Variants in KDM4A observed in about 807,000 individuals in gnomAD.
KDM4A encodes lysine demethylase 4A, also known as lysine-specific demethylase 4A.
Under a neutral mutation model 127.1 loss-of-function variants are expected in KDM4A, and 23 were observed. That is an observed-to-expected ratio of 0.18 (90% CI 0.13 to 0.26). The LOEUF (loss-of-function observed/expected upper bound fraction) is 0.26, where lower values mean the gene tolerates loss of function less well. Among genes scored for constraint, KDM4A ranks in the 10% least tolerant of loss-of-function variants. KDM4A has a pLI of 1.00. For synonymous variants in KDM4A, 443 were observed against 466.5 expected, an observed-to-expected ratio of 0.95 and a Z score of 0.65; for missense variants, 890 against 1,329.1, an observed-to-expected ratio of 0.67 and a Z score of 5.14.
intron 3 of KDM4A, among the ~76,000 whole-genome samples, chr1:43,659,214 G>T (rs1341694517): frequency 6.6e-6 from 1 of 152,142 alleles, no homozygotes; most frequent in Non-Finnish European, 1.5e-5. Context: ...GATTGCTTGA[G>T]CCCAGGAGTT....
chr1:43,658,809 C>G (rs1030371817), intron 3 of KDM4A, among the ~76,000 whole-genome samples: 4 of 151,888 alleles, frequency 2.6e-5, no homozygotes, highest in African/African-American at 9.7e-5. Context: ...GCCAGCTCTG[C>G]TAATTTTTAA....
chr1:43,702,279 T>A (rs1035121670), intron 19 of KDM4A: 2 of 152,234 alleles, frequency 1.3e-5, no homozygotes, highest in Non-Finnish European at 2.9e-5. Flanking sequence ...AAACAATTTA[T>A]CAAATATCAA....
At chr1:43,677,260 G>C (rs995127460) in intron 11 of KDM4A, among the ~76,000 whole-genome samples, 2 of 150,824 alleles carry the variant, frequency 1.3e-5, no homozygotes, top group African/African-American at 4.9e-5. Flanking sequence ...CAGGAGAATT[G>C]CTCGAATCTG....
intron 16 of KDM4A, 139 bp downstream of exon 16, chr1:43,692,450 C>T: frequency 1.4e-6 from 1 of 724,448 alleles, no homozygotes; most frequent in Non-Finnish European, 2.3e-6. Flanking sequence ...AATAGCATCT[C>T]CAAGACTCAT....
At chr1:43,669,431 G>A (rs2154047261) in intron 10 of KDM4A, 132 bp downstream of exon 10, 1 of 885,824 alleles carries the variant, frequency 1.1e-6, no homozygotes, top group Non-Finnish European at 1.8e-6. Context: ...CATACTTGGA[G>A]TGTGAGAAGT....
Position 43,666,614 on chromosome 1 carries a change from C to T in KDM4A, c.777+59C>T, listed in dbSNP as rs547689862. 7.4e-6 allele frequency: 10 copies of T among 1,343,790 alleles called. No individual in the cohort carries two copies. The African/African-American group carries it at 8.6e-5, about 12-fold the overall frequency. 83.2% of individuals were successfully genotyped at this position (1,343,790 alleles called of 1,614,324 possible). On this transcript the variant is annotated intron_variant, in intron 7 of 21. Coordinates refer to ENST00000372396, the MANE Select transcript of KDM4A (RefSeq NM_014663.3). The stretch of plus-strand genomic sequence containing the variant: ...ACCACCCTTTCTGGCCTTTGTTTTA[C>T]AGTTTTATTCTAGTTCATCACTATA...
At chr1:43,686,151 G>GTTTTTTTTTTTTTTT (rs35512755) in intron 12 of KDM4A, among the ~76,000 whole-genome samples, 2 of 97,906 alleles carry the variant, frequency 2.0e-5, no homozygotes, top group Non-Finnish European at 3.8e-5. Context: ...TTTGTTTCTT[G>GTTTTTTTTTTTTTTT]TTTTTTTTTT....
intron 4 of KDM4A, among the ~76,000 whole-genome samples, chr1:43,661,950 A>G (rs1660392556): frequency 6.6e-6 from 1 of 152,180 alleles, no homozygotes; most frequent in Admixed American, 6.5e-5. Flanking sequence ...GCTAGAGGTT[A>G]GTGGTATGAT....
chr1:43,704,314 T>C lies in KDM4A; in HGVS notation c.3139T>C (p.Ser1047Pro), dbSNP rs1257947430. 6.2e-7 allele frequency: 1 copy of C among 1,614,028 alleles called. No homozygotes were observed. Among genetic ancestry groups the C allele is most frequent in the Admixed American group, 1.7e-5 (1 of 60,020 alleles). ...AAAGAAACGGCAACGAGTTATCAAC[T>C]CAAGATACCGGGAAGATTATATTGA... The part of the protein sequence containing the change: ...QEKKRQRVIN[S>P]RYREDYIEPA... Residue 1047 changes from serine to proline, a missense_variant, in exon 22 of 22, where the codon TCA (serine) becomes CCA (proline). Coordinates refer to ENST00000372396, the MANE Select transcript of KDM4A (RefSeq NM_014663.3).
intron 6 of KDM4A, 194 bp from the exon 7 acceptor site, chr1:43,666,258 G>A: frequency 3.6e-6 from 2 of 552,186 alleles, no homozygotes; most frequent in Non-Finnish European, 6.3e-6. Context: ...CCCACGTAAT[G>A]CCCTACATGG....
chr1:43,690,938 T>C lies in KDM4A; in HGVS notation c.2131T>C (p.Phe711Leu). ...RTKPLIPEMCFTSTGCSTDIN... is the reference protein window; with the variant it reads ...RTKPLIPEMCLTSTGCSTDIN... ...CAAGCCATTGATTCCAGAAATGTGC[T>C]TCACTTCGACTGGCTGCAGCACGGA... Residue 711 changes from phenylalanine (F) to leucine (L), a missense_variant, in exon 14 of 22, where the codon TTC becomes CTC. Around this residue, in one of 7 missense-constraint regions of KDM4A, gnomAD observed 389 missense variants for 485.9 expected, o/e 0.80. Transcript: ENST00000372396. The C allele has an allele frequency of 6.2e-7, 1 of 1,614,242 alleles. No homozygotes were observed. The highest frequency in any genetic ancestry group is 8.5e-7 in the Non-Finnish European group (1 of 1,180,038).
rs1661033647 is a variant in KDM4A at position 43,688,317 on chromosome 1, A to G, written c.1856-597A>G. Among the ~76,000 whole-genome samples the G allele has an allele frequency of 6.6e-6, 1 of 152,182 alleles. No homozygotes were observed. Among genetic ancestry groups the G allele is most frequent in the Non-Finnish European group, 1.5e-5 (1 of 68,032 alleles). On this transcript the variant is annotated intron_variant, in intron 12 of 21. Coordinates refer to ENST00000372396, the MANE Select transcript of KDM4A (RefSeq NM_014663.3). This position sits in a 1 kb window ranked among gnomAD's most constrained non-coding sequence, Gnocchi z 4.4. ...GGCATCACATCTTGTGGCTGGGAAGAGGATTCATCTTGGACATGTAGCTCT... is the reference window on the plus strand; with the variant it reads ...GGCATCACATCTTGTGGCTGGGAAGGGGATTCATCTTGGACATGTAGCTCT...
chr1:43,687,461 T>C (rs61768375), intron 12 of KDM4A, among the ~76,000 whole-genome samples: 3,909 of 152,206 alleles, frequency 0.026, 111 homozygotes, highest in Admixed American at 0.079. Context: ...GATGCATGGA[T>C]CCCCTGGGAT....
At chr1:43,699,133 G>A (rs953989466) in intron 19 of KDM4A, among the ~76,000 whole-genome samples, 1 of 144,616 alleles carries the variant, frequency 6.9e-6, no homozygotes, top group Non-Finnish European at 1.5e-5. Flanking sequence ...GTCTCACTCT[G>A]TCACTTAGGC....
At chr1:43,674,249 C>T (rs1478887509) in intron 11 of KDM4A, among the ~76,000 whole-genome samples, 1 of 152,104 alleles carries the variant, frequency 6.6e-6, no homozygotes, top group Non-Finnish European at 1.5e-5. Context: ...CCCACCGCCC[C>T]CCAGCTGTTA....
intron 10 of KDM4A, among the ~76,000 whole-genome samples, chr1:43,671,166 G>C (rs1660609932): frequency 6.6e-6 from 1 of 152,228 alleles, no homozygotes; most frequent in African/African-American, 2.4e-5. Flanking sequence ...TAGGTAGCCA[G>C]GTCTCTGCTG....
Position 43,693,970 on chromosome 1 carries a change from G to C in KDM4A, c.2376-24G>C, listed in dbSNP as rs373196332. 12 of 1,604,750 alleles carry C rather than the reference G, an allele frequency of 7.5e-6. No individual in the cohort carries two copies. Among genetic ancestry groups the C allele is most frequent in the Non-Finnish European group, 1.0e-5 (12 of 1,171,826 alleles). On this transcript the variant is annotated intron_variant, in intron 16 of 21. Transcript: ENST00000372396. This position sits in a 1 kb window ranked among gnomAD's most constrained non-coding sequence, Gnocchi z 4.2. ...CAGAGCCTTGGGCCCAGAGGTGACT[G>C]AGGGAGCCTTTGCCTTTTGGCAGGT...
At chr1:43,699,383 G>A (rs1471806877) in intron 19 of KDM4A, among the ~76,000 whole-genome samples, 1 of 152,154 alleles carries the variant, frequency 6.6e-6, no homozygotes, top group Non-Finnish European at 1.5e-5. Context: ...AAGAGTTTGA[G>A]CCACCATACC....
chr1:43,676,764 T>C (rs548615391), intron 11 of KDM4A, among the ~76,000 whole-genome samples: 112 of 152,344 alleles, frequency 7.4e-4, no homozygotes, highest in Non-Finnish European at 1.3e-3. Context: ...ATGTTGATAC[T>C]TTAATACATT....
Sources: allele counts gnomAD v4.1 joint callset (sites outside exome capture counted in the v4.1 genomes callset), GRCh38; gene constraint gnomAD v4.1.1; regional missense constraint gnomAD v4.1.1; non-coding constraint Gnocchi (gnomAD v3.1); transcripts MANE v1.5; gene names NCBI Gene and HGNC (gene_info 2026-07-23, HGNC 2026-07-21).